DIAPH1: variants seen among roughly 807,000 people sequenced by gnomAD.
The protein encoded by DIAPH1 is protein diaphanous homolog 1.
In DIAPH1, 46 loss-of-function variants were observed where a neutral mutation model predicts 140.7. That is an observed-to-expected ratio of 0.33 (90% CI 0.26 to 0.42). The LOEUF (loss-of-function observed/expected upper bound fraction) is 0.42, where lower values mean the gene tolerates loss of function less well. Among genes scored for constraint, DIAPH1 ranks in the 10% least tolerant of loss-of-function variants. The pLI is 1.00. For synonymous variants in DIAPH1, 565 were observed against 551.6 expected, an observed-to-expected ratio of 1.02 and a Z score of -0.34; for missense variants, 1,310 against 1,558.7, an observed-to-expected ratio of 0.84 and a Z score of 2.69.
intron 21 of DIAPH1, 74 bp from the exon 22 acceptor site, chr5:141,529,015 C>T: frequency 6.2e-7 from 1 of 1,607,794 alleles, no homozygotes; most frequent in Non-Finnish European, 8.5e-7. Context: ...GCTTGAGCCT[C>T]CTATGGGAGG....
intron 18 of DIAPH1, chr5:141,563,747 C>G (rs1200184810): frequency 6.6e-6 from 1 of 152,152 alleles, no homozygotes; most frequent in East Asian, 1.9e-4. Context: ...CACACTAAAG[C>G]TGGGATGGCT....
In DIAPH1 at chr5:141,574,042, C is replaced by A; in HGVS notation, c.1808G>T (p.Gly603Val). 1 of 1,586,094 alleles carries A rather than the reference C, an allele frequency of 6.3e-7. No homozygotes were observed. Residue 603 changes from glycine (G) to valine (V), a missense_variant, in exon 16 of 28, where the codon GGG becomes GTG. Physicochemically the swap from Gly to Val is moderately radical, Grantham distance 109. Coordinates refer to ENST00000389054, the MANE Select transcript of DIAPH1 (RefSeq NM_005219.5). ...GTIIPPPPAP[G>V]DSTTPPPPPP... is the part of the protein sequence containing the mutation. ...AGGAGGAGGAGGAGTGGTACTATCC[C>A]CAGGAGCAGGTGGTGGTGGAATAAT...
At chr5:141,552,603 C>G (rs2099891886) in intron 18 of DIAPH1, among the ~76,000 whole-genome samples, 1 of 152,068 alleles carries the variant, frequency 6.6e-6, no homozygotes, top group Non-Finnish European at 1.5e-5. Flanking sequence ...ATTCTGGCCT[C>G]CAGAACTGTA....
intron 1 of DIAPH1, among the ~76,000 whole-genome samples, chr5:141,611,116 G>A (rs997956637): frequency 2.0e-5 from 3 of 151,610 alleles, no homozygotes; most frequent in African/African-American, 7.3e-5. Flanking sequence ...GAAAAGAAAA[G>A]AAAAGAAAAA....
At chr5:141,581,809 C>A (rs1408072400) in intron 7 of DIAPH1, 1 of 153,698 alleles carries the variant, frequency 6.5e-6, no homozygotes, top group African/African-American at 2.4e-5. Context: ...AATCCCAGCA[C>A]TTTGGGAGGC....
intron 1 of DIAPH1, among the ~76,000 whole-genome samples, chr5:141,589,339 A>G (rs986943961): frequency 6.6e-6 from 1 of 152,230 alleles, no homozygotes; most frequent in African/African-American, 2.4e-5. Context: ...ACTCTGACAG[A>G]TATTATTGTG....
At chr5:141,588,473 G>GAA (rs368869644) in intron 1 of DIAPH1, among the ~76,000 whole-genome samples, 47 of 86,636 alleles carry the variant, frequency 5.4e-4, no homozygotes, top group African/African-American at 1.1e-3. Context: ...TCTTAAAAAG[G>GAA]AAAAAAAAAA....
intron 16 of DIAPH1, among the ~76,000 whole-genome samples, chr5:141,572,631 C>G (rs1480925112): frequency 6.6e-6 from 1 of 152,050 alleles, no homozygotes; most frequent in Non-Finnish European, 1.5e-5. Context: ...GAAACCCCAT[C>G]TCTACTAAAA....
intron 18 of DIAPH1, among the ~76,000 whole-genome samples, chr5:141,566,341 A>G (rs987841116): frequency 1.3e-5 from 2 of 152,246 alleles, no homozygotes; most frequent in Non-Finnish European, 1.5e-5. Flanking sequence ...AGTCAGAGGT[A>G]GTATTGGAGT....
At chr5:141,607,795 C>G (rs1277376967) in intron 1 of DIAPH1, among the ~76,000 whole-genome samples, 1 of 152,206 alleles carries the variant, frequency 6.6e-6, no homozygotes, top group Admixed American at 6.5e-5. Flanking sequence ...CTTTCCCTCT[C>G]TACTCTGCCA....
intron 18 of DIAPH1, among the ~76,000 whole-genome samples, chr5:141,567,106 G>A (rs986484727): frequency 7.9e-5 from 12 of 152,236 alleles, no homozygotes; most frequent in East Asian, 3.9e-4. Context: ...GAACCTTATC[G>A]CAATTAAACT....
chr5:141,617,010 T>C (rs892365011), intron 1 of DIAPH1, among the ~76,000 whole-genome samples: 1 of 152,122 alleles, frequency 6.6e-6, no homozygotes, highest in Non-Finnish European at 1.5e-5. Flanking sequence ...TTAGATAAAA[T>C]AGAGTACATA....
Position 141,617,306 on chromosome 5 carries a change from A to G in DIAPH1, c.117+1492T>C, listed in dbSNP as rs181019159. Among the ~76,000 whole-genome samples, 642 of 150,356 alleles carry G rather than the reference A, an allele frequency of 4.3e-3. 5 individuals are homozygous for G. Among genetic ancestry groups the G allele is most frequent in the Admixed American group, 0.011 (168 of 15,162 alleles). ...CTTAACCTTATATTTCTAGGGGGGG[A>G]AAAAAAGATGTTCACCAGATAAAAA... is the stretch of plus-strand genomic sequence containing the variant. On this transcript the variant is annotated intron_variant, in intron 1 of 27. Coordinates refer to ENST00000389054, the MANE Select transcript of DIAPH1 (RefSeq NM_005219.5).
rs900367337 is a variant in DIAPH1 at position 141,565,408 on chromosome 5, T to G, written c.2482+6020A>C. 10 of 152,230 alleles carry G rather than the reference T, an allele frequency of 6.6e-5. No homozygotes were observed. Among genetic ancestry groups the G allele is most frequent in the African/African-American group, 2.4e-4 (10 of 41,466 alleles). 9.4% of individuals were successfully genotyped at this position (152,230 alleles called of 1,614,324 possible). A position where few individuals can be genotyped will look rare whatever the true frequency, so the allele number is the denominator to read the frequency against. ...AACATATGTATATAAAAAGTATGAT[T>G]TAACCACAGTCACTCTGGGGGAGGA... On this transcript the variant is annotated intron_variant, in intron 18 of 27. Transcript: ENST00000389054. This position sits in a 1 kb window ranked among gnomAD's most constrained non-coding sequence, Gnocchi z 4.3.
intron 23 of DIAPH1, 25 bp from the exon 24 acceptor site, chr5:141,527,722 A>AC (rs751248620): frequency 3.3e-6 from 5 of 1,523,478 alleles, no homozygotes; most frequent in East Asian, 4.7e-5. Context: ...AAAAAAAAAA[A>AC]CCATAAAAAC....
chr5:141,610,638 T>C (rs1267093336), intron 1 of DIAPH1, among the ~76,000 whole-genome samples: 3 of 151,714 alleles, frequency 2.0e-5, no homozygotes, highest in East Asian at 3.9e-4. Flanking sequence ...TTTCACCACA[T>C]TGGACAGGCT....
intron 3 of DIAPH1, among the ~76,000 whole-genome samples, 199 bp from the exon 4 acceptor site, chr5:141,584,424 T>C (rs1223983543): frequency 6.6e-5 from 10 of 151,814 alleles, no homozygotes; most frequent in Non-Finnish European, 1.5e-4. Flanking sequence ...CATTTTAGTA[T>C]AAATCTCTAT....
intron 1 of DIAPH1, among the ~76,000 whole-genome samples, chr5:141,593,897 G>A (rs2099898882): frequency 6.6e-6 from 1 of 152,096 alleles, no homozygotes; most frequent in Non-Finnish European, 1.5e-5. Context: ...TCAGCTCACT[G>A]CAACCTTCTT....
Position 141,516,811 on chromosome 5 carries a change from G to GCGGCTC in DIAPH1, c.*34_*39dup. 4 of 1,612,532 alleles carry GCGGCTC rather than the reference G, an allele frequency of 2.5e-6. No individual in the cohort carries two copies. Among genetic ancestry groups the GCGGCTC allele is most frequent in the Non-Finnish European group, 3.4e-6 (4 of 1,179,712 alleles). On this transcript the variant is annotated 3_prime_UTR_variant, in exon 28 of 28. Transcript: ENST00000389054. ...CACATGCTGCAGGGCAGGACAGTCTGCGGCTCCGCTGAGGAGCTGCCGCGG... is the reference window on the plus strand; with the variant it reads ...CACATGCTGCAGGGCAGGACAGTCTGCGGCTCCGGCTCCGCTGAGGAGCTGCCGCGG...
Sources: allele counts gnomAD v4.1 joint callset (sites outside exome capture counted in the v4.1 genomes callset), GRCh38; gene constraint gnomAD v4.1.1; non-coding constraint Gnocchi (gnomAD v3.1); transcripts MANE v1.5; gene names NCBI Gene and HGNC (gene_info 2026-07-23, HGNC 2026-07-21).